FAM185A: variants seen among roughly 807,000 people sequenced by gnomAD.
FAM185A encodes protein FAM185A.
A neutral mutation model predicts 45.7 loss-of-function variants in FAM185A; 21 were observed. The ratio of observed to expected loss-of-function variants is 0.46; its 90% CI spans 0.33 to 0.66. The LOEUF is 0.66. FAM185A is among the 30% of genes least tolerant of loss of function. The pLI is 0.03. For missense variants in FAM185A, 305 were observed against 485.4 expected (o/e 0.63, Z 3.49); for synonymous variants, 117 against 194.0 (o/e 0.60, Z 3.30).
chr7:102,832,859 C>T, the FAM185A span: 1 of 1,614,172 alleles, frequency 6.2e-7, no homozygotes, highest in South Asian at 1.1e-5. Flanking sequence ...GCCAGCAATG[C>T]TGAGAGATGT....
intron 6 of FAM185A, among the ~76,000 whole-genome samples, chr7:102,779,173 T>C (rs1795256273): frequency 6.6e-6 from 1 of 152,144 alleles, no homozygotes; most frequent in African/African-American, 2.4e-5. Flanking sequence ...TTTAAGAGGA[T>C]AGTACTGATG....
chr7:102,765,959 A>T (rs1219002448), intron 4 of FAM185A, among the ~76,000 whole-genome samples: 1 of 152,132 alleles, frequency 6.6e-6, no homozygotes, highest in African/African-American at 2.4e-5. Context: ...ATAATATTTT[A>T]TTAAATTCTG....
At position 102,784,160 on chromosome 7, in the gene FAM185A, A is replaced by G. The variant is rs1279663720; in HGVS notation, c.932-3175A>G. Among the ~76,000 whole-genome samples, 3 of 152,142 alleles carry G rather than the reference A, an allele frequency of 2.0e-5. No homozygotes were observed. The East Asian group carries it at 5.8e-4, about 29-fold the overall frequency. ...AAGAAGTTGAATCTCTGAATAGACC[A>G]ATAACAGGCTCTGAAATTGAGGCAA... On this transcript the variant is annotated intron_variant, in intron 6 of 7. Transcript: ENST00000413034.
downstream of FAM185A, among the ~76,000 whole-genome samples, chr7:102,812,147 A>C (rs907399404): frequency 6.6e-6 from 1 of 152,220 alleles, no homozygotes; most frequent in Admixed American, 6.5e-5. Flanking sequence ...TGCGGCAGTC[A>C]GAACAGAGTT....
intron 7 of FAM185A, among the ~76,000 whole-genome samples, chr7:102,801,718 AGTTC>A (rs1221198214): frequency 6.6e-6 from 1 of 152,134 alleles, no homozygotes; most frequent in Non-Finnish European, 1.5e-5. Flanking sequence ...TGAGGTCAAG[AGTTC>A]AAGGCCACCC....
chr7:102,800,350 C>T (rs776620905), intron 7 of FAM185A, among the ~76,000 whole-genome samples: 18 of 152,014 alleles, frequency 1.2e-4, no homozygotes, highest in Non-Finnish European at 1.9e-4. Flanking sequence ...AACAACCCCG[C>T]GAAAATCACA....
At chr7:102,796,264 C>T (rs1796433216) in intron 7 of FAM185A, among the ~76,000 whole-genome samples, 2 of 152,184 alleles carry the variant, frequency 1.3e-5, no homozygotes, top group African/African-American at 4.8e-5. Flanking sequence ...GCCAGCTGAT[C>T]GACTGAGTTT....
chr7:102,791,576 T>A (rs1469762677), intron 7 of FAM185A, among the ~76,000 whole-genome samples: 1 of 152,260 alleles, frequency 6.6e-6, no homozygotes, highest in Non-Finnish European at 1.5e-5. Context: ...AATCGCAGAA[T>A]GATGAGTTTA....
chr7:102,796,926 A>C (rs1009642128), intron 7 of FAM185A, among the ~76,000 whole-genome samples: 4 of 152,238 alleles, frequency 2.6e-5, no homozygotes, highest in African/African-American at 9.6e-5. Context: ...TAGACATTAC[A>C]GAAGAAAAGA....
At chr7:102,797,094 TA>T (rs910527153) in intron 7 of FAM185A, among the ~76,000 whole-genome samples, 2 of 152,334 alleles carry the variant, frequency 1.3e-5, no homozygotes, top group East Asian at 1.9e-4. Context: ...AGCTCAAAAA[TA>T]TTTTTTTATC....
intron 7 of FAM185A, among the ~76,000 whole-genome samples, chr7:102,805,223 T>C (rs1007585777): frequency 1.3e-5 from 2 of 152,156 alleles, no homozygotes; most frequent in African/African-American, 4.8e-5. Flanking sequence ...AAAAAGATAC[T>C]TGGACAGGCA....
chr7:102,813,399 T>A, downstream of FAM185A: 1 of 1,614,126 alleles, frequency 6.2e-7, no homozygotes. Flanking sequence ...ATTCTAAGGC[T>A]CCTTTAGATG....
the FAM185A span, among the ~76,000 whole-genome samples, chr7:102,850,668 A>G: frequency 6.6e-6 from 1 of 152,212 alleles, no homozygotes; most frequent in African/African-American, 2.4e-5. Flanking sequence ...AGTAGGTTAC[A>G]TACATCTAAA....
intron 7 of FAM185A, among the ~76,000 whole-genome samples, chr7:102,806,155 T>TTGC (rs1010650340): frequency 3.9e-5 from 6 of 151,994 alleles, no homozygotes; most frequent in African/African-American, 1.5e-4. Flanking sequence ...GTTGTTGTTG[T>TTGC]TGTTGTTTAT....
the FAM185A span, among the ~76,000 whole-genome samples, chr7:102,834,090 G>GGAAGGAAGGAAGGAAGGAAGGAAAGA: frequency 2.8e-5 from 2 of 70,484 alleles, no homozygotes; most frequent in Non-Finnish European, 2.8e-5. Context: ...GGAAAGAAAA[G>GGAAGGAAGGAAGGAAGGAAGGAAAGA]AAAGAAAGAA....
At chr7:102,785,258 G>A (rs1423452064) in intron 6 of FAM185A, among the ~76,000 whole-genome samples, 1 of 150,182 alleles carries the variant, frequency 6.7e-6, no homozygotes, top group Non-Finnish European at 1.5e-5. Context: ...TACTGCCCAA[G>A]GTAATTTATA....
the FAM185A span, chr7:102,822,112 A>G: frequency 6.2e-7 from 1 of 1,614,218 alleles, no homozygotes; most frequent in Non-Finnish European, 8.5e-7. Flanking sequence ...GTCCTCAAGG[A>G]TTTGGTCAGT....
At chr7:102,831,034 G>A in the FAM185A span, among the ~76,000 whole-genome samples, 1 of 152,106 alleles carries the variant, frequency 6.6e-6, no homozygotes, top group South Asian at 2.1e-4. Flanking sequence ...GATGATCTAC[G>A]TGTGTTATTT....
the FAM185A span, among the ~76,000 whole-genome samples, chr7:102,838,816 C>T: frequency 6.6e-6 from 1 of 152,184 alleles, no homozygotes; most frequent in Non-Finnish European, 1.5e-5. Flanking sequence ...GCCATAGGGA[C>T]CTCTGCCCTG....
Sources: allele counts gnomAD v4.1 joint callset (sites outside exome capture counted in the v4.1 genomes callset), GRCh38; gene constraint gnomAD v4.1.1; transcripts MANE v1.5; gene names NCBI Gene and HGNC (gene_info 2026-07-23, HGNC 2026-07-21).